Variants in LRP1B observed in about 807,000 individuals in gnomAD.
LRP1B encodes the protein low-density lipoprotein receptor-related protein 1B.
LRP1B carries 217 observed loss-of-function variants against 556.6 expected under a neutral mutation model. The observed-to-expected ratio is 0.39, with a 90% CI of 0.35 to 0.44. LRP1B has a LOEUF of 0.44. Among genes scored for constraint, LRP1B ranks in the 20% least tolerant of loss-of-function variants. The pLI, the probability that LRP1B is intolerant of heterozygous loss-of-function variation, is 1.00. For synonymous variants in LRP1B, 2,047 were observed against 1,865.8 expected, an observed-to-expected ratio of 1.10 and a Z score of -2.50; for missense variants, 5,053 against 5,620.8, an observed-to-expected ratio of 0.90 and a Z score of 3.23.
In LRP1B at chr2:141,799,493, A is replaced by G. The variant is rs115637361; in HGVS notation, c.205+10786T>C. Among the ~76,000 whole-genome samples the G allele has an allele frequency of 2.3e-3, 353 of 152,226 alleles. 2 individuals are homozygous for G. The highest frequency in any genetic ancestry group is 4.4e-3 in the Non-Finnish European group (300 of 68,006). Reference sequence around the variant, plus strand: ...GCGTGGCTGCAGCTGACAACCAGAAAGAAAATGTGCCCTTGGTCCTAAAAC... The same window carrying G: ...GCGTGGCTGCAGCTGACAACCAGAAGGAAAATGTGCCCTTGGTCCTAAAAC... On this transcript the variant is annotated intron_variant, in intron 2 of 90. Coordinates refer to ENST00000389484, the MANE Select transcript of LRP1B (RefSeq NM_018557.3).
intron 7 of LRP1B, among the ~76,000 whole-genome samples, chr2:141,180,058 G>C (rs1303087825): frequency 6.6e-6 from 1 of 151,564 alleles, no homozygotes; most frequent in Non-Finnish European, 1.5e-5. Context: ...GATTCTTCCA[G>C]TTTTTGAAAA....
chr2:141,091,819 G>T (rs1046047498), intron 7 of LRP1B, among the ~76,000 whole-genome samples: 1 of 152,142 alleles, frequency 6.6e-6, no homozygotes, highest in African/African-American at 2.4e-5. Flanking sequence ...ACACAGCAAG[G>T]CCACCATATT....
rs1387712475 is a variant in LRP1B at position 140,377,148 on chromosome 2, T to C, written c.10638+1032A>G. On this transcript the variant is annotated intron_variant, in intron 68 of 90. Transcript: ENST00000389484. ...TGGAGTGCAGTGGCACGATCTCAGC[T>C]CACTGCAATTTCTGGCTCCCAGGTT... Among the ~76,000 whole-genome samples, 3 of 152,278 alleles carry C rather than the reference T, an allele frequency of 2.0e-5. No individual in the cohort carries two copies. In the East Asian group the frequency reaches 5.8e-4, roughly 29 times the overall value.
At chr2:142,021,512 A>G (rs901910258) in intron 1 of LRP1B, among the ~76,000 whole-genome samples, 8 of 152,250 alleles carry the variant, frequency 5.3e-5, no homozygotes, top group Non-Finnish European at 2.9e-5. Flanking sequence ...TGTATTTGTT[A>G]TTTTGTGAAT....
chr2:142,033,776 G>A (rs1243001270), intron 1 of LRP1B, among the ~76,000 whole-genome samples: 2 of 151,704 alleles, frequency 1.3e-5, no homozygotes, highest in Non-Finnish European at 2.9e-5. Context: ...GAAAGATATG[G>A]TACTGAATTA....
At chr2:140,330,125 G>A (rs190912039) in intron 79 of LRP1B, among the ~76,000 whole-genome samples, 3,078 of 150,878 alleles carry the variant, frequency 0.02, 42 homozygotes, top group African/African-American at 0.028. Context: ...GCTTGAACCC[G>A]GGAGGCAGAG....
rs374141256 is a variant in LRP1B, at chr2:140,723,933, C to G, written c.5759-7117G>C. Among the ~76,000 whole-genome samples the G allele has an allele frequency of 4.4e-4, 67 of 152,288 alleles. No homozygotes were observed. The South Asian group carries it at 0.013, about 29-fold the overall frequency. On this transcript the variant is annotated intron_variant, in intron 35 of 90. Coordinates refer to ENST00000389484, the MANE Select transcript of LRP1B (RefSeq NM_018557.3). Reference sequence around the variant, plus strand: ...AGAACAACAACAACTATATAACCTTCTGCCATAAACAGTTCCTTCCAGGAG... The same window carrying G: ...AGAACAACAACAACTATATAACCTTGTGCCATAAACAGTTCCTTCCAGGAG...
At chr2:141,000,731 T>C (rs1337536718) in intron 15 of LRP1B, among the ~76,000 whole-genome samples, 2 of 152,096 alleles carry the variant, frequency 1.3e-5, no homozygotes, top group Admixed American at 6.6e-5. Context: ...TAACAATTCA[T>C]TTAAGTCATG....
intron 2 of LRP1B, among the ~76,000 whole-genome samples, chr2:141,702,289 G>A (rs1691967887): frequency 6.6e-6 from 1 of 151,858 alleles, no homozygotes; most frequent in African/African-American, 2.4e-5. Context: ...GAGGGAAACA[G>A]GTGAAGTATA....
intron 1 of LRP1B, among the ~76,000 whole-genome samples, chr2:142,083,370 C>A (rs543050219): frequency 1.3e-5 from 2 of 152,076 alleles, no homozygotes; most frequent in African/African-American, 2.4e-5. Flanking sequence ...TCTCACTTAT[C>A]GGTCCTTCAA....
intron 63 of LRP1B, among the ~76,000 whole-genome samples, chr2:140,449,396 T>G (rs1270275031): frequency 6.6e-6 from 1 of 152,156 alleles, no homozygotes; most frequent in Non-Finnish European, 1.5e-5. Context: ...AATAGGTTTT[T>G]TGAAAAGAAT....
At chr2:140,333,901 A>G (rs1680941867) in intron 79 of LRP1B, among the ~76,000 whole-genome samples, 1 of 152,014 alleles carries the variant, frequency 6.6e-6, no homozygotes, top group Non-Finnish European at 1.5e-5. Context: ...ACTTCTGGGC[A>G]GTCCTGAGAA....
At chr2:140,398,465 C>G (rs969742292) in intron 66 of LRP1B, among the ~76,000 whole-genome samples, 2 of 152,114 alleles carry the variant, frequency 1.3e-5, no homozygotes, top group African/African-American at 4.8e-5. Context: ...GTGGAGAGGG[C>G]ACTGTCAGAT....
At chr2:140,252,062 CAAAAAAA>C in intron 86 of LRP1B, among the ~76,000 whole-genome samples, 10 of 18,562 alleles carry the variant, frequency 5.4e-4, no homozygotes, top group Middle Eastern at 0.083. Flanking sequence ...TGACAAGATG[CAAAAAAA>C]AAAAAAAAAA....
At chr2:141,973,427 A>G (rs1303323855) in intron 1 of LRP1B, among the ~76,000 whole-genome samples, 1 of 151,806 alleles carries the variant, frequency 6.6e-6, no homozygotes, top group African/African-American at 2.4e-5. Context: ...TATCATATGT[A>G]TATGTATGTG....
chr2:141,539,300 C>A (rs1388055391), intron 2 of LRP1B, among the ~76,000 whole-genome samples: 4 of 152,094 alleles, frequency 2.6e-5, no homozygotes, highest in Non-Finnish European at 4.4e-5. Flanking sequence ...TGATTCAGCT[C>A]TTCCTCTGGT....
intron 1 of LRP1B, among the ~76,000 whole-genome samples, chr2:142,085,521 C>T (rs974500772): frequency 6.6e-6 from 1 of 152,080 alleles, no homozygotes; most frequent in African/African-American, 2.4e-5. Flanking sequence ...TTATTATATA[C>T]AAACTTAAGG....
In LRP1B at chr2:141,651,625, A is replaced by G. The variant is rs1413667101; in HGVS notation, c.205+158654T>C. On this transcript the variant is annotated intron_variant, in intron 2 of 90. Transcript: ENST00000389484. ...GGTTGCAGTGAGCAGAGATCGTGCC[A>G]TTGCACTCCAGCCTGGGTGACAGAG... Among the ~76,000 whole-genome samples, 3 of 152,340 alleles carry G rather than the reference A, an allele frequency of 2.0e-5. No individual in the cohort carries two copies. The East Asian group carries it at 5.8e-4, about 29-fold the overall frequency.
chr2:140,398,481 C>CA (rs2105223130), intron 66 of LRP1B, among the ~76,000 whole-genome samples: 1 of 152,182 alleles, frequency 6.6e-6, no homozygotes, highest in East Asian at 1.9e-4. Context: ...CAGATTCTCA[C>CA]AAAAATCAGA....
Sources: gnomAD v4.1 joint callset for allele counts (sites outside exome capture counted in the v4.1 genomes callset) on GRCh38, gnomAD v4.1.1 for gene constraint, MANE v1.5 for transcripts, NCBI Gene and HGNC (gene_info 2026-07-23, HGNC 2026-07-21) for gene names.